The following MACF1 variants were observed in gnomAD, a reference collection of about 807,000 sequenced individuals.
MACF1 encodes microtubule actin crosslinking factor 1.
A neutral mutation model predicts 854.8 loss-of-function variants in MACF1; 193 were observed. That is an observed-to-expected ratio of 0.23 (90% CI 0.20 to 0.25). The LOEUF is 0.25. Among genes scored for constraint, MACF1 ranks in the 10% least tolerant of loss-of-function variants. MACF1 has a pLI of 1.00. For synonymous variants in MACF1, 3,185 were observed against 3,226.7 expected, an observed-to-expected ratio of 0.99 and a Z score of 0.44; for missense variants, 7,722 against 8,929.1, an observed-to-expected ratio of 0.86 and a Z score of 5.45.
At chr1:39,199,064 C>A (rs1644357883) in intron 2 of MACF1, among the ~76,000 whole-genome samples, 1 of 151,944 alleles carries the variant, frequency 6.6e-6, no homozygotes. Flanking sequence ...CGGCTCACTG[C>A]AAGCTCTGCC....
chr1:39,322,722 G>A lies in MACF1; in HGVS notation c.4137+7G>A. ...AGATGCCATCACTCAAGAGGTGAGA[G>A]GGTGGGGGAAGGAAATACACCACTG... On this transcript the variant is annotated splice_region_variant and intron_variant, in intron 32 of 100. Coordinates refer to ENST00000564288, the MANE Select transcript of MACF1 (RefSeq NM_001394062.1). The A allele has an allele frequency of 1.2e-6, 2 of 1,613,228 alleles. No individual in the cohort carries two copies. Among genetic ancestry groups the A allele is most frequent in the South Asian group, 2.2e-5 (2 of 91,072 alleles).
chr1:39,104,816 A>G (rs74069432), intron 2 of MACF1, among the ~76,000 whole-genome samples: 2 of 152,224 alleles, frequency 1.3e-5, no homozygotes, highest in African/African-American at 4.8e-5. Flanking sequence ...CCGGCCCTAC[A>G]CTGCAGCCCT....
rs1447626244 is a variant in MACF1 at position 39,437,912 on chromosome 1, C to T, written c.18124C>T (p.Leu6042=). The change falls in exon 71 of 101, where the codon CTA becomes TTA. Residue 6042 remains leucine, a synonymous_variant. Transcript: ENST00000564288. ...TGACAATAAGAGTGCCACCGTGGAG[C>T]TAGAAAAACTGCAGCCATCCTTTGA... ...ISDNKSATVE[L]EKLQPSFEAL... The T allele has an allele frequency of 6.2e-7, 1 of 1,614,116 alleles. No individual in the cohort carries two copies. The highest frequency in any genetic ancestry group is 8.5e-7 in the Non-Finnish European group (1 of 1,180,020).
intron 2 of MACF1, among the ~76,000 whole-genome samples, chr1:39,243,359 T>C (rs1170505042): frequency 6.6e-6 from 1 of 152,230 alleles, no homozygotes; most frequent in Non-Finnish European, 1.5e-5. Context: ...GAAGCATCCT[T>C]ATTGATGATT....
chr1:39,462,084 G>A (rs1644566103), intron 93 of MACF1, 47 bp downstream of exon 93: 1 of 1,589,998 alleles, frequency 6.3e-7, no homozygotes, highest in Non-Finnish European at 8.6e-7. Context: ...CTGTAGGTTT[G>A]TAATATCCTG....
chr1:39,373,831 C>T (rs150498572), intron 52 of MACF1, among the ~76,000 whole-genome samples: 16 of 147,568 alleles, frequency 1.1e-4, no homozygotes, highest in Admixed American at 2.1e-4. Flanking sequence ...CCAGCCTGGG[C>T]GACGGACGGA....
At chr1:39,349,652 A>C in intron 42 of MACF1, 25 bp downstream of exon 42, 2 of 1,611,374 alleles carry the variant, frequency 1.2e-6, no homozygotes, top group Non-Finnish European at 1.7e-6. Context: ...GTCAATTTTG[A>C]CACAAAGTCT....
chr1:39,462,669 C>A (rs1644579456), intron 93 of MACF1, among the ~76,000 whole-genome samples: 1 of 152,086 alleles, frequency 6.6e-6, no homozygotes, highest in Non-Finnish European at 1.5e-5. Flanking sequence ...AAGCTGTGAT[C>A]ATGCCACTAC....
rs750341843 is a variant in MACF1, at chr1:39,447,802, T to G, written c.19872T>G (p.Asn6624Lys). ...SQKQDVVLIK[N>K]LLVSVQSRWE... ...AGCAGGATGTTGTTCTGATCAAGAA[T>G]TTGTTGGTGAGCGTGCAGTCTCGAT... Residue 6624 changes from asparagine to lysine, a missense_variant, in exon 82 of 101, where the codon AAT becomes AAG. Coordinates refer to ENST00000564288, the MANE Select transcript of MACF1 (RefSeq NM_001394062.1). The G allele has an allele frequency of 6.2e-7, 1 of 1,613,840 alleles. No individual in the cohort carries two copies. Among genetic ancestry groups the G allele is most frequent in the African/African-American group, 1.3e-5 (1 of 74,868 alleles).
At chr1:39,441,876 T>G (rs1371032821) in intron 74 of MACF1, 76 bp from the exon 75 acceptor site, 2 of 1,064,626 alleles carry the variant, frequency 1.9e-6, no homozygotes, top group Non-Finnish European at 1.5e-6. Context: ...TGTCTTCTTA[T>G]GTTAGCAGAG....
At chr1:39,484,810 A>C in intron 100 of MACF1, 80 bp downstream of exon 100, 3 of 1,537,880 alleles carry the variant, frequency 2.0e-6, no homozygotes, top group Non-Finnish European at 2.7e-6. Context: ...CACTGCTCCC[A>C]AGGAGCGGGT....
In MACF1 at chr1:39,285,264, CT is replaced by C. The variant is rs1461340080; in HGVS notation, c.1260-31del. On this transcript the variant is annotated intron_variant, in intron 12 of 100. Transcript: ENST00000564288. The stretch of plus-strand genomic sequence containing the variant: ...CATTATTTATTGAGCTGCTGTGAAC[CT>C]TGCACATGACTATGGTTTTATCTTA... 5 of 1,614,142 alleles carry C rather than the reference CT, an allele frequency of 3.1e-6. No homozygotes were observed. The Admixed American group carries it at 8.3e-5, about 27-fold the overall frequency.
At chr1:39,181,639 T>A (rs1235238095) in intron 2 of MACF1, among the ~76,000 whole-genome samples, 1 of 152,172 alleles carries the variant, frequency 6.6e-6, no homozygotes, top group Non-Finnish European at 1.5e-5. Flanking sequence ...GGACTCACAC[T>A]TCCAGATTTG....
Position 39,468,743 on chromosome 1 carries a change from A to T in MACF1, c.21889+11A>T. The stretch of plus-strand genomic sequence containing the variant: ...ATGATCCCTGCCGAGGTAAGGAACC[A>T]TTCTAAGCATGAATTACGTGTTAGG... On this transcript the variant is annotated intron_variant, in intron 96 of 100. Coordinates refer to ENST00000564288, the MANE Select transcript of MACF1 (RefSeq NM_001394062.1). The T allele has an allele frequency of 6.2e-7, 1 of 1,607,502 alleles. No homozygotes were observed. Among genetic ancestry groups the T allele is most frequent in the East Asian group, 2.2e-5 (1 of 44,850 alleles).
At chr1:39,172,465 A>G (rs1224022739) in intron 2 of MACF1, among the ~76,000 whole-genome samples, 1 of 152,200 alleles carries the variant, frequency 6.6e-6, no homozygotes, top group Non-Finnish European at 1.5e-5. Context: ...CTGCCTGGGA[A>G]CAAGAATAGG....
intron 20 of MACF1, among the ~76,000 whole-genome samples, chr1:39,296,831 G>GAAGA (rs796570100): frequency 0.013 from 1,592 of 123,250 alleles, 14 homozygotes; most frequent in African/African-American, 0.043. Flanking sequence ...AGGAAGGAAG[G>GAAGA]AAGGAAGGAA....
chr1:39,269,803 A>T, intron 6 of MACF1: 1 of 1,127,838 alleles, frequency 8.9e-7, no homozygotes, highest in Admixed American at 2.9e-5. Context: ...TGTGGTGAGC[A>T]GTGAGGATGT....
chr1:39,106,810 C>A, intron 2 of MACF1, among the ~76,000 whole-genome samples: 1 of 133,974 alleles, frequency 7.5e-6, no homozygotes, highest in South Asian at 2.9e-4. Flanking sequence ...CTCCCCCCCA[C>A]TTTTTTTTTC....
chr1:39,444,074 G>C (rs1038702995), intron 79 of MACF1, among the ~76,000 whole-genome samples: 1 of 152,170 alleles, frequency 6.6e-6, no homozygotes, highest in African/African-American at 2.4e-5. Context: ...AGTGGCTCAC[G>C]CCTGTAATCC....
Sources: allele counts gnomAD v4.1 joint callset (sites outside exome capture counted in the v4.1 genomes callset), GRCh38; gene constraint gnomAD v4.1.1; transcripts MANE v1.5; gene names NCBI Gene and HGNC (gene_info 2026-07-23, HGNC 2026-07-21).